The following ASMTL variants were observed in gnomAD, a reference collection of about 807,000 sequenced individuals.
ASMTL encodes the protein probable bifunctional dTTP/UTP pyrophosphatase/methyltransferase protein.
Under a neutral mutation model 60.3 loss-of-function variants are expected in ASMTL, and 57 were observed. The observed-to-expected ratio is 0.95, with a 90% CI of 0.76 to 1.18. ASMTL has a LOEUF of 1.18. Among genes scored for constraint, ASMTL ranks in the 50% most tolerant of loss-of-function variants. ASMTL has a pLI of 0.00. For missense variants in ASMTL, 981 were observed against 852.6 expected, an observed-to-expected ratio of 1.15 and a Z score of -1.88; for synonymous variants, 419 against 373.0, an observed-to-expected ratio of 1.12 and a Z score of -1.42.
intron 6 of ASMTL, among the ~76,000 whole-genome samples, chrX:1,429,796 C>CAA (rs1421732032): frequency 6.6e-6 from 1 of 150,458 alleles, no homozygotes; most frequent in African/African-American, 2.4e-5. Context: ...GACTCCGTCT[C>CAA]AAAAAAAATT....
intron 9 of ASMTL, among the ~76,000 whole-genome samples, chrX:1,420,229 ACTAT>A (rs1207227349): frequency 4.7e-4 from 66 of 141,310 alleles, no homozygotes; most frequent in East Asian, 1.1e-3. Context: ...TCCCTATCTC[ACTAT>A]CTGTCTCCCA....
intron 11 of ASMTL, among the ~76,000 whole-genome samples, chrX:1,416,553 A>C (rs1261264832): frequency 6.6e-6 from 1 of 152,006 alleles, no homozygotes; most frequent in Non-Finnish European, 1.5e-5. Flanking sequence ...ACACACAGAG[A>C]TACCCCAACA....
upstream of ASMTL, chrX:1,452,967 C>G: frequency 1.4e-6 from 1 of 694,944 alleles, no homozygotes; most frequent in Non-Finnish European, 2.3e-6. Context: ...CGCCCGCCTC[C>G]GCGAGGCCAC....
intron 10 of ASMTL, 76 bp downstream of exon 10, chrX:1,418,902 TGGTA>T: frequency 6.4e-7 from 1 of 1,565,224 alleles, no homozygotes; most frequent in Middle Eastern, 2.3e-4. Flanking sequence ...AAAAGGCAGT[TGGTA>T]GGTGTCCTGA....
intron 8 of ASMTL, 82 bp from the exon 9 acceptor site, chrX:1,421,924 G>A (rs1397031321): frequency 5.2e-6 from 7 of 1,352,088 alleles, no homozygotes; most frequent in Non-Finnish European, 7.4e-6. Flanking sequence ...TCATTGAGAT[G>A]TTAAAATAAA....
At chrX:1,444,796 C>T (rs1168743011) in intron 1 of ASMTL, among the ~76,000 whole-genome samples, 1 of 151,942 alleles carries the variant, frequency 6.6e-6, no homozygotes, top group Non-Finnish European at 1.5e-5. Flanking sequence ...CTCTGGCCAC[C>T]CCTCCCATCT....
chrX:1,419,802 T>G (rs1306637317), intron 9 of ASMTL, among the ~76,000 whole-genome samples: 1 of 152,150 alleles, frequency 6.6e-6, no homozygotes, highest in East Asian at 1.9e-4. Context: ...CCTGCGTGGG[T>G]GGCAATCATG....
At chrX:1,428,404 G>A (rs2090674644) in intron 6 of ASMTL, among the ~76,000 whole-genome samples, 1 of 151,774 alleles carries the variant, frequency 6.6e-6, no homozygotes, top group Non-Finnish European at 1.5e-5. Context: ...CACTTTGGGA[G>A]GCCGAGACGG....
At chrX:1,414,879 G>T (rs767672129) in intron 11 of ASMTL, among the ~76,000 whole-genome samples, 1 of 152,206 alleles carries the variant, frequency 6.6e-6, no homozygotes, top group Admixed American at 6.5e-5. Context: ...CAGCACCTGT[G>T]CCCACAGGCC....
At position 1,404,274 on chromosome X, in the gene ASMTL, AGATG is replaced by A. The variant is rs760055401; in HGVS notation, c.1646-789_1646-786del. ...GGATGGATAGATGGATGCATGGATG[AGATG>A]GATGGATGGATGGGTGAATAGATGG... On this transcript the variant is annotated intron_variant, in intron 12 of 12. Coordinates refer to ENST00000381317, the MANE Select transcript of ASMTL (RefSeq NM_004192.4). Among the ~76,000 whole-genome samples the A allele has an allele frequency of 6.2e-3, 890 of 143,238 alleles. 13 individuals are homozygous for A. Among genetic ancestry groups the A allele is most frequent in the African/African-American group, 0.018 (660 of 37,464 alleles). 94.0% of individuals were successfully genotyped at this position (143,238 alleles called of 152,430 possible).
intron 5 of ASMTL, 39 bp from the exon 6 acceptor site, chrX:1,432,416 G>T (rs1280378378): frequency 1.3e-6 from 2 of 1,517,834 alleles, no homozygotes; most frequent in African/African-American, 2.7e-5. Context: ...GTGGACGCCA[G>T]CTTGTCACCT....
At chrX:1,442,124 C>T (rs529952584) in intron 2 of ASMTL, 62 bp downstream of exon 2, 233 of 1,580,392 alleles carry the variant, frequency 1.5e-4, no homozygotes, top group Non-Finnish European at 1.8e-4. Context: ...ATTTACCACC[C>T]GCAAATCCCC....
intron 1 of ASMTL, among the ~76,000 whole-genome samples, chrX:1,448,873 C>T (rs2091290177): frequency 6.6e-6 from 1 of 152,200 alleles, no homozygotes; most frequent in South Asian, 2.1e-4. Context: ...ATCTTGGACA[C>T]ACACCGCCAT....
chrX:1,428,062 T>C lies in ASMTL; in HGVS notation c.569A>G (p.His190Arg), dbSNP rs1182088071. ...ALGGMLVESV[H>R]GDFLNVVGFP... ...TCCCACCACGTTCAGAAAGTCCCCG[T>C]GTACGGACTCCACCAGCATGCCGCC... Residue 190 changes from histidine (H) to arginine (R), a missense_variant, in exon 7 of 13, where the codon CAC becomes CGC. Coordinates refer to ENST00000381317, the MANE Select transcript of ASMTL (RefSeq NM_004192.4). 6.2e-7 allele frequency: 1 copy of C among 1,613,532 alleles called. No homozygotes were observed. The highest frequency in any genetic ancestry group is 1.7e-5 in the Admixed American group (1 of 60,006).
chrX:1,412,064 G>A (rs1466504833), intron 12 of ASMTL, among the ~76,000 whole-genome samples: 10 of 151,876 alleles, frequency 6.6e-5, no homozygotes, highest in East Asian at 3.9e-4. Context: ...TGATCCGCCC[G>A]CCTCGGCCTC....
intron 7 of ASMTL, among the ~76,000 whole-genome samples, chrX:1,426,679 CCT>C (rs1464220292): frequency 6.6e-6 from 1 of 152,174 alleles, no homozygotes; most frequent in Non-Finnish European, 1.5e-5. Context: ...ATAGCGAAAC[CCT>C]GTCTCTACTA....
At position 1,432,336 on chromosome X, in the gene ASMTL, T is replaced by C; in HGVS notation, c.442A>G (p.Thr148Ala). 6.2e-7 allele frequency: 1 copy of C among 1,613,164 alleles called. No homozygotes were observed. The change falls in exon 6 of 13, where the codon ACG becomes GCG. Residue 148 changes from threonine to alanine, a missense_variant. Thr to Ala is a moderately conservative substitution (Grantham distance 58, BLOSUM62 0). Transcript: ENST00000381317. ...DTRVSEFYEE[T>A]KVKFSELSEE... is the part of the protein sequence containing the mutation. The stretch of plus-strand genomic sequence containing the variant: ...GACAGCTCCGAGAACTTCACCTTCG[T>C]TTCCTCGTAGAATTCCGAGACCCTG...
chrX:1,406,580 T>C (rs1353071989), intron 12 of ASMTL, among the ~76,000 whole-genome samples: 16 of 142,804 alleles, frequency 1.1e-4, no homozygotes, highest in African/African-American at 4.0e-4. Flanking sequence ...ATGGCATGGA[T>C]GAGATGGATG....
At chrX:1,428,215 C>T in intron 6 of ASMTL, 94 bp from the exon 7 acceptor site, 11 of 1,460,716 alleles carry the variant, frequency 7.5e-6, no homozygotes, top group East Asian at 2.3e-5. Flanking sequence ...GGGTGGATCA[C>T]GAGGTCGGGA....
Sources: allele counts gnomAD v4.1 joint callset (sites outside exome capture counted in the v4.1 genomes callset), GRCh38; gene constraint gnomAD v4.1.1; transcripts MANE v1.5; gene names NCBI Gene and HGNC (gene_info 2026-07-23, HGNC 2026-07-21).